UNC13C: variants seen among roughly 807,000 people sequenced by gnomAD.
UNC13C encodes unc-13 homolog C.
UNC13C carries 174 observed loss-of-function variants against 245.4 expected under a neutral mutation model. The ratio of observed to expected loss-of-function variants is 0.71; its 90% CI spans 0.63 to 0.80. UNC13C has a LOEUF of 0.80. Ranked by LOEUF, UNC13C falls within the 30% of genes least tolerant of loss-of-function variation. The pLI, the probability that UNC13C is intolerant of heterozygous loss-of-function variation, is 0.00. For synonymous variants in UNC13C, 992 were observed against 895.1 expected (o/e 1.11, Z -1.93); for missense variants, 2,829 against 2,602.9 (o/e 1.09, Z -1.89).
chr15:54,597,213 C>T (rs1899137137), intron 30 of UNC13C, among the ~76,000 whole-genome samples: 1 of 152,192 alleles, frequency 6.6e-6, no homozygotes, highest in South Asian at 2.1e-4. Context: ...TTGCCTGCCG[C>T]TTATCTCCTG....
intron 2 of UNC13C, chr15:54,050,395 T>C (rs568029840): frequency 5.4e-6 from 3 of 557,884 alleles, no homozygotes; most frequent in South Asian, 2.8e-5. Context: ...TTGATAAGTA[T>C]ATTTTCTGGG....
chr15:54,428,297 CA>C (rs2040799167), intron 19 of UNC13C, among the ~76,000 whole-genome samples: 2 of 151,694 alleles, frequency 1.3e-5, no homozygotes, highest in Non-Finnish European at 2.9e-5. Flanking sequence ...GAAGGCCCCG[CA>C]TTGTTGCTGG....
intron 11 of UNC13C, among the ~76,000 whole-genome samples, chr15:54,295,775 G>A (rs1342170001): frequency 6.6e-6 from 1 of 151,986 alleles, no homozygotes; most frequent in African/African-American, 2.4e-5. Context: ...CTCTTATGCT[G>A]AAACTGTCCT....
chr15:54,181,980 A>C (rs773056270), intron 4 of UNC13C, among the ~76,000 whole-genome samples: 1 of 152,012 alleles, frequency 6.6e-6, no homozygotes, highest in Non-Finnish European at 1.5e-5. Flanking sequence ...TTTTCCATGA[A>C]GAGAGATAGT....
chr15:53,889,124 C>G, the UNC13C span, among the ~76,000 whole-genome samples: 5 of 152,140 alleles, frequency 3.3e-5, no homozygotes, highest in East Asian at 7.7e-4. Context: ...AGCATTGAAT[C>G]TATAAATTTC....
At chr15:54,491,379 A>G (rs1246388042) in intron 19 of UNC13C, among the ~76,000 whole-genome samples, 2 of 152,336 alleles carry the variant, frequency 1.3e-5, no homozygotes, top group East Asian at 3.9e-4. Flanking sequence ...CTTCATATCA[A>G]CATGATAAAA....
At chr15:54,385,616 C>A (rs2039821930) in intron 17 of UNC13C, among the ~76,000 whole-genome samples, 1 of 151,842 alleles carries the variant, frequency 6.6e-6, no homozygotes, top group Non-Finnish European at 1.5e-5. Flanking sequence ...TAGTTAGATA[C>A]AAGAAATAAG....
the UNC13C span, among the ~76,000 whole-genome samples, chr15:53,918,951 AGTG>A: frequency 6.6e-6 from 1 of 152,234 alleles, no homozygotes; most frequent in Admixed American, 6.5e-5. Flanking sequence ...AGCAGGCAGA[AGTG>A]AATGTGGGAT....
At chr15:54,156,431 G>C (rs1036555941) in intron 4 of UNC13C, among the ~76,000 whole-genome samples, 4 of 152,142 alleles carry the variant, frequency 2.6e-5, no homozygotes, top group African/African-American at 9.7e-5. Context: ...GACATCATCT[G>C]CCCTATAATC....
chr15:53,859,337 A>G, the UNC13C span, among the ~76,000 whole-genome samples: 1 of 152,178 alleles, frequency 6.6e-6, no homozygotes, highest in African/African-American at 2.4e-5. Context: ...CACAAAAATT[A>G]CAAATATGAA....
At chr15:53,965,522 C>T in the UNC13C span, among the ~76,000 whole-genome samples, 1 of 143,736 alleles carries the variant, frequency 7.0e-6, no homozygotes, top group African/African-American at 2.6e-5. Context: ...CCTTTCAGTG[C>T]ACTTTCTTTT....
intron 17 of UNC13C, 144 bp downstream of exon 17, chr15:54,338,633 C>A: frequency 1.1e-6 from 1 of 908,756 alleles, no homozygotes. Context: ...ACCTTTTCTT[C>A]ATATTTGAAT....
chr15:54,246,867 T>C (rs1252878515), intron 7 of UNC13C, among the ~76,000 whole-genome samples: 2 of 152,210 alleles, frequency 1.3e-5, no homozygotes, highest in Non-Finnish European at 2.9e-5. Context: ...TGTTTACTTA[T>C]GTAACCTGCG....
chr15:54,627,335 C>T lies in UNC13C; in HGVS notation c.*222C>T, dbSNP rs116656834. Reference sequence around the variant, plus strand: ...AAAATTATGATGTAAAGTGAAATATCAAGAACACCTTTTAACATGTTTATT... The same window carrying T: ...AAAATTATGATGTAAAGTGAAATATTAAGAACACCTTTTAACATGTTTATT... On this transcript the variant is annotated 3_prime_UTR_variant, in exon 33 of 33. Transcript: ENST00000260323. 923 of 418,706 alleles carry T rather than the reference C, an allele frequency of 2.2e-3. 6 individuals are homozygous for T. Among genetic ancestry groups the T allele is most frequent in the African/African-American group, 0.017 (836 of 50,558 alleles). The allele number at this position is 418,706 out of a possible 1,614,324, so 25.9% of individuals were successfully genotyped here. A position where few individuals can be genotyped will look rare whatever the true frequency, so the allele number is the denominator to read the frequency against.
At chr15:54,050,511 T>A in intron 2 of UNC13C, 1 of 510,800 alleles carries the variant, frequency 2.0e-6, no homozygotes, top group Admixed American at 2.1e-5. Context: ...CTTCTCCAAT[T>A]GTAACTAATG....
At chr15:54,216,159 G>A (rs1232622540) in intron 4 of UNC13C, among the ~76,000 whole-genome samples, 1 of 152,048 alleles carries the variant, frequency 6.6e-6, no homozygotes, top group South Asian at 2.1e-4. Flanking sequence ...CAAAGGAGGG[G>A]TAAAGGACAG....
At chr15:54,420,291 G>A (rs970064451) in intron 19 of UNC13C, among the ~76,000 whole-genome samples, 7 of 151,966 alleles carry the variant, frequency 4.6e-5, no homozygotes, top group Admixed American at 6.6e-5. Context: ...GAGTAGTTGC[G>A]GGCTGTCAGC....
chr15:54,024,947 G>T (rs1896049250), intron 2 of UNC13C, among the ~76,000 whole-genome samples: 1 of 148,700 alleles, frequency 6.7e-6, no homozygotes, highest in Non-Finnish European at 1.5e-5. Flanking sequence ...ATAAAAAAAT[G>T]CTATGGAATT....
At chr15:54,423,985 A>G (rs1365749698) in intron 19 of UNC13C, among the ~76,000 whole-genome samples, 1 of 151,884 alleles carries the variant, frequency 6.6e-6, no homozygotes, top group Non-Finnish European at 1.5e-5. Flanking sequence ...AGAAAATTTC[A>G]TTTTAAAAAG....
Sources: allele counts gnomAD v4.1 joint callset (sites outside exome capture counted in the v4.1 genomes callset), GRCh38; gene constraint gnomAD v4.1.1; transcripts MANE v1.5; gene names NCBI Gene and HGNC (gene_info 2026-07-23, HGNC 2026-07-21).